The following ROBO2 variants were observed in gnomAD, a reference collection of about 807,000 sequenced individuals.
ROBO2 encodes the protein roundabout guidance receptor 2.
Under a neutral mutation model 160.8 loss-of-function variants are expected in ROBO2, and 53 were observed. The observed-to-expected ratio is 0.33, with a 90% CI of 0.26 to 0.41. The LOEUF is 0.41. Among genes scored for constraint, ROBO2 ranks in the 10% least tolerant of loss-of-function variants. The pLI is 1.00. For synonymous variants in ROBO2, 664 were observed against 611.7 expected, an observed-to-expected ratio of 1.09 and a Z score of -1.26; for missense variants, 1,577 against 1,722.4, an observed-to-expected ratio of 0.92 and a Z score of 1.49.
intron 2 of ROBO2, among the ~76,000 whole-genome samples, chr3:76,101,270 T>C (rs1437557198): frequency 6.6e-6 from 1 of 152,150 alleles, no homozygotes; most frequent in Admixed American, 6.5e-5. Flanking sequence ...ATCATAGTTG[T>C]GAAAAAAATT....
chr3:77,310,853 GA>G (rs66511015), intron 2 of ROBO2, among the ~76,000 whole-genome samples: 66,025 of 146,180 alleles, frequency 0.45, 17,502 homozygotes, highest in Non-Finnish European at 0.61. Flanking sequence ...AGCTTTAAGT[GA>G]AAAAAAAAAA....
At chr3:76,139,013 C>T (rs921151362) in intron 2 of ROBO2, among the ~76,000 whole-genome samples, 7 of 152,112 alleles carry the variant, frequency 4.6e-5, no homozygotes, top group African/African-American at 1.7e-4. Context: ...ATGAGGCTTG[C>T]CTCTGATTTC....
At chr3:77,440,641 C>T (rs900868087) in intron 2 of ROBO2, among the ~76,000 whole-genome samples, 8 of 152,122 alleles carry the variant, frequency 5.3e-5, no homozygotes, top group African/African-American at 1.9e-4. Context: ...GATAGGTTTT[C>T]ATGTTCTTTT....
chr3:76,765,104 C>A (rs767354347), intron 2 of ROBO2, among the ~76,000 whole-genome samples: 1 of 151,630 alleles, frequency 6.6e-6, no homozygotes, highest in African/African-American at 2.4e-5. Context: ...TTGTTCCACT[C>A]TGTATGTCCA....
chr3:76,091,795 A>G (rs1326208360), intron 2 of ROBO2, among the ~76,000 whole-genome samples: 5 of 152,206 alleles, frequency 3.3e-5, no homozygotes, highest in Non-Finnish European at 5.9e-5. Context: ...AAAAAGCTTC[A>G]ATACACTAAG....
intron 2 of ROBO2, among the ~76,000 whole-genome samples, chr3:76,477,627 A>T (rs2078997297): frequency 6.6e-6 from 1 of 152,140 alleles, no homozygotes; most frequent in Admixed American, 6.6e-5. Flanking sequence ...AAAAAATTTT[A>T]AAAGGTAAGA....
intron 1 of ROBO2, among the ~76,000 whole-genome samples, chr3:75,920,419 T>C (rs1210819948): frequency 3.9e-5 from 6 of 152,214 alleles, no homozygotes; most frequent in Admixed American, 2.6e-4. Context: ...TTCATTCTTT[T>C]GCATTTGCTG....
At chr3:77,291,747 C>A (rs1438128837) in intron 2 of ROBO2, among the ~76,000 whole-genome samples, 1 of 150,592 alleles carries the variant, frequency 6.6e-6, no homozygotes, top group East Asian at 2.0e-4. Flanking sequence ...TAAGCTGAGG[C>A]TAGATCACCC....
In ROBO2 at chr3:77,181,838, T is replaced by A. The variant is rs538797004; in HGVS notation, c.388+83498T>A. ...AATGCGAAGTCTCATATCAATTACGTAACATATTTTTGCACCAAGTCCAAT... is the reference window on the plus strand; with the variant it reads ...AATGCGAAGTCTCATATCAATTACGAAACATATTTTTGCACCAAGTCCAAT... On this transcript the variant is annotated intron_variant, in intron 2 of 25. Coordinates refer to ENST00000461745, the Ensembl canonical transcript of ROBO2. Among the ~76,000 whole-genome samples the A allele has an allele frequency of 1.5e-4, 23 of 152,206 alleles. No individual in the cohort carries two copies. In the East Asian group the frequency reaches 4.5e-3, roughly 29 times the overall value.
At chr3:76,597,602 C>T (rs1350035040) in intron 2 of ROBO2, among the ~76,000 whole-genome samples, 1 of 152,070 alleles carries the variant, frequency 6.6e-6, no homozygotes, top group East Asian at 1.9e-4. Context: ...ACAGATAACA[C>T]TAAATGTTCT....
chr3:76,757,024 T>G (rs1218129661), intron 2 of ROBO2, among the ~76,000 whole-genome samples: 4 of 151,896 alleles, frequency 2.6e-5, no homozygotes, highest in Non-Finnish European at 5.9e-5. Context: ...TTACAGCTGC[T>G]AAACTTTTGG....
At chr3:76,508,576 A>G (rs2080914568) in intron 2 of ROBO2, among the ~76,000 whole-genome samples, 1 of 152,282 alleles carries the variant, frequency 6.6e-6, no homozygotes, top group African/African-American at 2.4e-5. Flanking sequence ...ATCCATATCT[A>G]TGTTTAAAAA....
chr3:77,199,418 G>A (rs994434517), intron 2 of ROBO2, among the ~76,000 whole-genome samples: 3 of 152,106 alleles, frequency 2.0e-5, no homozygotes, highest in Non-Finnish European at 2.9e-5. Context: ...TTTAAATGAC[G>A]GTGGTCAGGA....
intron 2 of ROBO2, among the ~76,000 whole-genome samples, chr3:77,219,440 A>G (rs1486692620): frequency 1.4e-4 from 18 of 128,520 alleles, no homozygotes; most frequent in African/African-American, 3.4e-4. Flanking sequence ...GTGTGTATAT[A>G]TATATATATA....
At chr3:76,234,697 T>C (rs1704832249) in intron 2 of ROBO2, among the ~76,000 whole-genome samples, 1 of 152,240 alleles carries the variant, frequency 6.6e-6, no homozygotes, top group Non-Finnish European at 1.5e-5. Flanking sequence ...TTGATGTCTT[T>C]GGTCAGTCTA....
At chr3:77,493,419 C>A (rs1483647123) in intron 5 of ROBO2, 37 bp downstream of exon 5, 2 of 1,606,956 alleles carry the variant, frequency 1.2e-6, no homozygotes, top group African/African-American at 1.3e-5. Context: ...TGTTAGATAA[C>A]CAATGAATAA....
chr3:76,581,662 C>T (rs140361762), intron 2 of ROBO2, among the ~76,000 whole-genome samples: 5 of 151,846 alleles, frequency 3.3e-5, no homozygotes, highest in South Asian at 2.1e-4. Flanking sequence ...GTAGCCATGG[C>T]GGTAATGGAG....
chr3:76,155,865 A>G (rs906754351), intron 2 of ROBO2, among the ~76,000 whole-genome samples: 1 of 152,190 alleles, frequency 6.6e-6, no homozygotes, highest in Admixed American at 6.5e-5. Context: ...CGCAAGGCAA[A>G]CTTAATTGTA....
intron 2 of ROBO2, among the ~76,000 whole-genome samples, chr3:77,202,530 C>T (rs2083012564): frequency 6.6e-6 from 1 of 152,026 alleles, no homozygotes; most frequent in South Asian, 2.1e-4. Flanking sequence ...TATTTCTGTC[C>T]TTGTAACTTC....
Sources: allele counts gnomAD v4.1 joint callset (sites outside exome capture counted in the v4.1 genomes callset), GRCh38; gene constraint gnomAD v4.1.1; transcripts MANE v1.5; gene names NCBI Gene and HGNC (gene_info 2026-07-23, HGNC 2026-07-21).